Variants in ETFA observed in about 807,000 individuals in gnomAD.
ETFA encodes electron transfer flavoprotein subunit alpha, mitochondrial.
ETFA carries 22 observed loss-of-function variants against 46.2 expected under a neutral mutation model. That is an observed-to-expected ratio of 0.48 (90% CI 0.34 to 0.68). The LOEUF is 0.68. Among genes scored for constraint, ETFA ranks in the 30% least tolerant of loss-of-function variants. ETFA has a pLI of 0.01. For missense variants in ETFA, 345 were observed against 401.1 expected, an observed-to-expected ratio of 0.86 and a Z score of 1.19; for synonymous variants, 131 against 139.9, an observed-to-expected ratio of 0.94 and a Z score of 0.45.
intron 9 of ETFA, among the ~76,000 whole-genome samples, chr15:76,273,437 T>A (rs547085397): frequency 6.6e-6 from 1 of 152,074 alleles, no homozygotes; most frequent in East Asian, 1.9e-4. Flanking sequence ...GCGCCTGTAA[T>A]CCCAGCCACT....
intron 10 of ETFA, chr15:76,227,811 T>C (rs972457649): frequency 3.7e-5 from 17 of 455,950 alleles, no homozygotes; most frequent in Middle Eastern, 6.5e-4. Flanking sequence ...ATCCAACATC[T>C]GTGTATTTCC....
chr15:76,309,251 C>G (rs1000064709), intron 1 of ETFA, among the ~76,000 whole-genome samples: 21 of 152,136 alleles, frequency 1.4e-4, no homozygotes, highest in Non-Finnish European at 2.9e-4. Context: ...AGATCGAGAC[C>G]ATACCGGCTA....
chr15:76,277,309 G>A (rs950383711), intron 8 of ETFA, among the ~76,000 whole-genome samples: 1 of 152,134 alleles, frequency 6.6e-6, no homozygotes, highest in Admixed American at 6.5e-5. Context: ...CCTCCTGAAG[G>A]AGATCAGACC....
chr15:76,291,517 G>A (rs1258946044), intron 4 of ETFA, among the ~76,000 whole-genome samples: 12 of 149,284 alleles, frequency 8.0e-5, no homozygotes, highest in Non-Finnish European at 1.6e-4. Context: ...TTGGGGGGCC[G>A]AGGCGGGCGG....
intron 1 of ETFA, among the ~76,000 whole-genome samples, chr15:76,300,776 A>G (rs918612240): frequency 3.3e-5 from 5 of 151,552 alleles, no homozygotes; most frequent in Admixed American, 1.3e-4. Flanking sequence ...TATATCCCTC[A>G]CTCCATTTAT....
intron 9 of ETFA, among the ~76,000 whole-genome samples, chr15:76,265,753 G>C (rs1319521321): frequency 6.6e-6 from 1 of 152,084 alleles, no homozygotes; most frequent in African/African-American, 2.4e-5. Flanking sequence ...CTATTCCTAT[G>C]GATCAATATA....
At chr15:76,307,002 G>A (rs1426188184) in intron 1 of ETFA, among the ~76,000 whole-genome samples, 1 of 151,996 alleles carries the variant, frequency 6.6e-6, no homozygotes, top group East Asian at 1.9e-4. Context: ...ATCAATACTA[G>A]ACAGAAAAGT....
intron 11 of ETFA, among the ~76,000 whole-genome samples, chr15:76,224,955 T>C (rs2038989954): frequency 6.6e-6 from 1 of 152,094 alleles, no homozygotes; most frequent in South Asian, 2.1e-4. Context: ...AGGTCAAATA[T>C]GGAGGTGACG....
intron 11 of ETFA, among the ~76,000 whole-genome samples, chr15:76,224,973 A>G (rs1271816960): frequency 2.6e-5 from 4 of 152,028 alleles, no homozygotes; most frequent in Non-Finnish European, 5.9e-5. Context: ...ACGGCAAGAG[A>G]GAAGGAACAC....
intron 6 of ETFA, among the ~76,000 whole-genome samples, chr15:76,285,979 G>A (rs1190996945): frequency 6.6e-6 from 1 of 152,140 alleles, no homozygotes; most frequent in Non-Finnish European, 1.5e-5. Flanking sequence ...TCTGAATATA[G>A]AATAACTTTC....
chr15:76,273,338 A>G (rs2039558810), intron 9 of ETFA, among the ~76,000 whole-genome samples: 1 of 152,048 alleles, frequency 6.6e-6, no homozygotes, highest in South Asian at 2.1e-4. Context: ...GGTGGATCAC[A>G]AGGTCATGAG....
chr15:76,297,441 C>G (rs1052290322), intron 1 of ETFA, among the ~76,000 whole-genome samples: 8 of 151,424 alleles, frequency 5.3e-5, no homozygotes, highest in African/African-American at 1.9e-4. Context: ...ACAAGAATTG[C>G]CAGTAACAAG....
rs146908823 is a variant in ETFA at position 76,280,071 on chromosome 15, TC to T, written c.733+3685del. Among the ~76,000 whole-genome samples, 849 of 151,922 alleles carry T rather than the reference TC, an allele frequency of 5.6e-3. 15 individuals are homozygous for T. The highest frequency in any genetic ancestry group is 0.02 in the African/African-American group (816 of 41,400). The stretch of plus-strand genomic sequence containing the variant: ...ACACCACTGCACCTGGCCTGGGACC[TC>T]TTTTTTTATCTACACTCCCTCCCTT... On this transcript the variant is annotated intron_variant, in intron 8 of 11. Coordinates refer to ENST00000557943, the MANE Select transcript of ETFA (RefSeq NM_000126.4).
intron 4 of ETFA, among the ~76,000 whole-genome samples, chr15:76,290,363 G>T (rs1418633400): frequency 7.9e-6 from 1 of 126,454 alleles, no homozygotes; most frequent in Non-Finnish European, 1.6e-5. Flanking sequence ...TTGAGACAGG[G>T]TGTTGCTCTG....
chr15:76,243,824 A>C (rs111286684), intron 9 of ETFA, among the ~76,000 whole-genome samples: 2 of 55,986 alleles, frequency 3.6e-5, no homozygotes, highest in Non-Finnish European at 7.1e-5. Flanking sequence ...AACAAACAAA[A>C]AAAAAACAAA....
intron 9 of ETFA, among the ~76,000 whole-genome samples, chr15:76,249,110 C>T (rs2039270575): frequency 6.7e-6 from 1 of 149,376 alleles, no homozygotes; most frequent in African/African-American, 2.5e-5. Flanking sequence ...ATATATATAA[C>T]ATAAAATTTA....
intron 9 of ETFA, among the ~76,000 whole-genome samples, chr15:76,239,093 C>T (rs936297158): frequency 6.6e-6 from 1 of 152,146 alleles, no homozygotes; most frequent in Non-Finnish European, 1.5e-5. Flanking sequence ...AGTAACTATG[C>T]TGTACTTTAT....
At chr15:76,307,489 CTT>C (rs144568141) in intron 1 of ETFA, among the ~76,000 whole-genome samples, 40 of 118,480 alleles carry the variant, frequency 3.4e-4, no homozygotes, top group Non-Finnish European at 2.9e-4. Context: ...CCATCTTAAC[CTT>C]TTTTTTTTTT....
chr15:76,272,683 A>G (rs1363977107), intron 9 of ETFA, among the ~76,000 whole-genome samples: 2 of 152,040 alleles, frequency 1.3e-5, no homozygotes. Flanking sequence ...CCAGCCACTC[A>G]AGAGGCTGAA....
Sources: gnomAD v4.1 joint callset for allele counts (sites outside exome capture counted in the v4.1 genomes callset) on GRCh38, gnomAD v4.1.1 for gene constraint, MANE v1.5 for transcripts, NCBI Gene and HGNC (gene_info 2026-07-23, HGNC 2026-07-21) for gene names.